Variants in JAK2 observed in about 807,000 individuals in gnomAD.
The protein encoded by JAK2 is Janus kinase 2, also known as tyrosine-protein kinase JAK2.
A neutral mutation model predicts 139.3 loss-of-function variants in JAK2; 86 were observed. That is an observed-to-expected ratio of 0.62 (90% CI 0.52 to 0.74). JAK2 has a LOEUF of 0.74. JAK2 is among the 30% of genes least tolerant of loss of function. JAK2 has a pLI of 0.00. For synonymous variants in JAK2, 490 were observed against 437.7 expected (o/e 1.12, Z -1.49); for missense variants, 1,421 against 1,360.3 (o/e 1.04, Z -0.70).
At chr9:5,126,036 A>T in intron 23 of JAK2, 1 of 212,094 alleles carries the variant, frequency 4.7e-6, no homozygotes, top group African/African-American at 2.3e-5. Context: ...ATATGATAAA[A>T]ATATGAGTTT....
chr9:5,080,851 C>G (rs937761809), intron 18 of JAK2, among the ~76,000 whole-genome samples, 168 bp downstream of exon 18: 7 of 149,466 alleles, frequency 4.7e-5, no homozygotes, highest in African/African-American at 1.7e-4. Context: ...TTCTAATCTC[C>G]TTGACTGAGA....
intron 22 of JAK2, chr9:5,110,973 C>CT (rs1293817333): frequency 1.6e-6 from 1 of 617,870 alleles, no homozygotes; most frequent in Non-Finnish European, 3.0e-6. Context: ...GTAACCTGGA[C>CT]TTCAGCATGA....
rs774138621 is a variant in JAK2 at position 5,090,889 on chromosome 9, C to G, written c.3037C>G (p.Pro1013Ala). The change falls in exon 22 of 25, where the codon CCT becomes GCT. Residue 1013 changes from proline to alanine, a missense_variant. By Grantham distance (27) the Pro-to-Ala change is conservative (BLOSUM62 -1). Coordinates refer to ENST00000381652, the MANE Select transcript of JAK2 (RefSeq NM_004972.4). ...CAAAGAATACTATAAAGTAAAAGAA[C>G]CTGGTGAAAGTCCCATATTCTGGTG... ...QDKEYYKVKEPGESPIFWYAP... is the reference protein window; with the variant it reads ...QDKEYYKVKEAGESPIFWYAP... 1.2e-6 allele frequency: 2 copies of G among 1,604,914 alleles called. No homozygotes were observed. Among genetic ancestry groups the G allele is most frequent in the Non-Finnish European group, 1.7e-6 (2 of 1,177,066 alleles).
chr9:5,081,587 A>T, intron 18 of JAK2, 138 bp from the exon 19 acceptor site: 1 of 610,202 alleles, frequency 1.6e-6, no homozygotes, highest in Non-Finnish European at 2.9e-6. Context: ...CCATTAATAT[A>T]ATTGAAACTA....
At chr9:5,090,021 A>G (rs1820456626) in intron 20 of JAK2, among the ~76,000 whole-genome samples, 158 bp downstream of exon 20, 6 of 152,222 alleles carry the variant, frequency 3.9e-5, no homozygotes, top group African/African-American at 1.2e-4. Flanking sequence ...ATCATAGACT[A>G]TAACTATAGG....
In JAK2 at chr9:5,029,899, A is replaced by G. The variant is rs2130153750; in HGVS notation, c.343A>G (p.Arg115Gly). ...DESTRHNVLY[R>G]IRFYFPRWYC... ...GTCAACCAGGCATAATGTACTCTAC[A>G]GAATAAGGTACTTTCTTCAGTAAAG... Residue 115 changes from arginine to glycine, a missense_variant, in exon 4 of 25, where the codon AGA (arginine) becomes GGA (glycine). By Grantham distance (125) the Arg-to-Gly change is moderately radical (BLOSUM62 -2). Transcript: ENST00000381652. 1 of 1,591,604 alleles carries G rather than the reference A, an allele frequency of 6.3e-7. No homozygotes were observed. The highest frequency in any genetic ancestry group is 2.3e-5 in the East Asian group (1 of 44,138).
In JAK2 at chr9:5,054,807, A is replaced by G. The variant is rs1563961042; in HGVS notation, c.859A>G (p.Thr287Ala). 1.9e-5 allele frequency: 30 copies of G among 1,613,042 alleles called. No homozygotes were observed. The highest frequency in any genetic ancestry group is 2.5e-5 in the Non-Finnish European group (30 of 1,179,330). The stretch of plus-strand genomic sequence containing the variant: ...TCCTTCAGGTGAGGAGATTTTTGCA[A>G]CCATTATAATAACTGGAAACGGTGG... ...SGPSGEEIFA[T>A]IIITGNGGIQ... is the part of the protein sequence containing the mutation. The change falls in exon 7 of 25, where the codon ACC (threonine) becomes GCC (alanine). Residue 287 changes from threonine (T) to alanine (A), a missense_variant. Coordinates refer to ENST00000381652, the MANE Select transcript of JAK2 (RefSeq NM_004972.4). The surrounding 1 kb of genome is among the most constrained non-coding windows in gnomAD (Gnocchi z 4.9).
At chr9:5,093,862 C>A (rs1820774829) in intron 22 of JAK2, among the ~76,000 whole-genome samples, 2 of 152,106 alleles carry the variant, frequency 1.3e-5, no homozygotes, top group Non-Finnish European at 2.9e-5. Flanking sequence ...CCTATGTGAT[C>A]TGATTTCAGA....
At position 5,128,818 on chromosome 9, in the gene JAK2, A is replaced by T. The variant is rs1238739693; in HGVS notation, c.*2027A>T. 3.3e-5 allele frequency among the ~76,000 whole-genome samples: 5 copies of T among 152,050 alleles called. No individual in the cohort carries two copies. Among genetic ancestry groups the T allele is most frequent in the Admixed American group, 3.3e-4 (5 of 15,266 alleles). ...ATTAAGTTGGTTCTGTACAAGAAAC[A>T]GGTAAGTAATTATTGTACCAGTTAA... On this transcript the variant is annotated 3_prime_UTR_variant, in exon 25 of 25. Transcript: ENST00000381652.
At chr9:5,031,463 C>T (rs78914509) in intron 4 of JAK2, among the ~76,000 whole-genome samples, 14,002 of 152,014 alleles carry the variant, frequency 0.092, 1,948 homozygotes, top group African/African-American at 0.31. Flanking sequence ...TTCATATTAA[C>T]GTGGAAGGGA....
chr9:5,088,958 C>G (rs1359174052), intron 19 of JAK2, among the ~76,000 whole-genome samples: 4 of 152,126 alleles, frequency 2.6e-5, no homozygotes, highest in Non-Finnish European at 5.9e-5. Context: ...TGACATTTAG[C>G]CCATAACAGA....
At chr9:5,099,299 T>G (rs1489942571) in intron 22 of JAK2, 1 of 151,076 alleles carries the variant, frequency 6.6e-6, no homozygotes, top group African/African-American at 2.4e-5. Flanking sequence ...CCTCTTAAAA[T>G]ATTTCAAAAC....
chr9:4,996,622 T>G (rs1820578325), intron 2 of JAK2, among the ~76,000 whole-genome samples: 1 of 151,944 alleles, frequency 6.6e-6, no homozygotes. Flanking sequence ...TTGCATCAGA[T>G]CTTCAGTTGT....
At chr9:5,045,985 C>T (rs1037749073) in intron 5 of JAK2, among the ~76,000 whole-genome samples, 2 of 152,132 alleles carry the variant, frequency 1.3e-5, no homozygotes, top group Admixed American at 6.5e-5. Context: ...AGTGGCTGCA[C>T]TATTTTTCAG....
At chr9:5,103,561 C>T (rs758809128) in intron 22 of JAK2, among the ~76,000 whole-genome samples, 8 of 152,132 alleles carry the variant, frequency 5.3e-5, no homozygotes, top group Non-Finnish European at 1.0e-4. Flanking sequence ...CAGCTCTGCA[C>T]CATGTGAACC....
chr9:5,075,820 A>T lies in JAK2; in HGVS notation c.1865-1633A>T, dbSNP rs530437781. Among the ~76,000 whole-genome samples, 3 of 152,326 alleles carry T rather than the reference A, an allele frequency of 2.0e-5. No individual in the cohort carries two copies. In the East Asian group the frequency reaches 5.8e-4, roughly 29 times the overall value. On this transcript the variant is annotated intron_variant, in intron 14 of 24. Transcript: ENST00000381652. ...TTTGTAAGGCTAAGCTGCCATAGATAGTGATTCCTCTGGTGGATCTGGGTA... is the reference window on the plus strand; with the variant it reads ...TTTGTAAGGCTAAGCTGCCATAGATTGTGATTCCTCTGGTGGATCTGGGTA...
At chr9:5,088,887 T>C (rs2130668063) in intron 19 of JAK2, among the ~76,000 whole-genome samples, 1 of 152,338 alleles carries the variant, frequency 6.6e-6, no homozygotes, top group African/African-American at 2.4e-5. Context: ...AGGCCCTATC[T>C]CCAAATACAG....
At chr9:5,041,537 C>CGA (rs1816513204) in intron 4 of JAK2, 44 of 537,120 alleles carry the variant, frequency 8.2e-5, no homozygotes, top group South Asian at 6.2e-4. Flanking sequence ...AAGTGCTCTG[C>CGA]GAGAACTTCC....
chr9:5,001,471 T>G (rs1820924340), intron 2 of JAK2, among the ~76,000 whole-genome samples: 1 of 152,172 alleles, frequency 6.6e-6, no homozygotes, highest in Admixed American at 6.5e-5. Context: ...ATTATTCTGT[T>G]AATGAGGTAA....
Sources: allele counts gnomAD v4.1 joint callset (sites outside exome capture counted in the v4.1 genomes callset), GRCh38; gene constraint gnomAD v4.1.1; non-coding constraint Gnocchi (gnomAD v3.1); transcripts MANE v1.5; gene names NCBI Gene and HGNC (gene_info 2026-07-23, HGNC 2026-07-21).